The following NLGN1 variants were observed in gnomAD, a reference collection of about 807,000 sequenced individuals.
NLGN1 encodes the protein neuroligin-1.
A neutral mutation model predicts 65.5 loss-of-function variants in NLGN1; 12 were observed. The observed-to-expected ratio is 0.18, with a 90% CI of 0.12 to 0.30. The LOEUF (loss-of-function observed/expected upper bound fraction) is 0.30. Among genes scored for constraint, NLGN1 ranks in the 10% least tolerant of loss-of-function variants. NLGN1 has a pLI of 1.00. For synonymous variants in NLGN1, 350 were observed against 359.5 expected, an observed-to-expected ratio of 0.97 and a Z score of 0.30; for missense variants, 750 against 1,007.1, an observed-to-expected ratio of 0.74 and a Z score of 3.46.
intron 4 of NLGN1, among the ~76,000 whole-genome samples, chr3:174,139,281 C>T (rs1446712475): frequency 6.6e-6 from 1 of 152,126 alleles, no homozygotes; most frequent in African/African-American, 2.4e-5. Flanking sequence ...CTACCTTCCT[C>T]CTAATCCCTG....
At chr3:173,950,937 GCT>G (rs1748087905) in intron 4 of NLGN1, among the ~76,000 whole-genome samples, 1 of 152,046 alleles carries the variant, frequency 6.6e-6, no homozygotes, top group Admixed American at 6.5e-5. Flanking sequence ...CGTGATCTTG[GCT>G]CACTACAACC....
Position 173,859,646 on chromosome 3 carries a change from C to T in NLGN1, c.646+51814C>T, listed in dbSNP as rs112079324. Among the ~76,000 whole-genome samples the T allele has an allele frequency of 3.4e-3, 516 of 152,118 alleles. 2 individuals are homozygous for T. The highest frequency in any genetic ancestry group is 0.012 in the African/African-American group (492 of 41,512). On this transcript the variant is annotated intron_variant, in intron 4 of 6. Transcript: ENST00000457714. The stretch of plus-strand genomic sequence containing the variant: ...TCAGTTAATTAAAACAGTGTTTTCT[C>T]CTCACTGAAAAATTGAATTTTTCTT...
At chr3:174,292,312 A>G in the NLGN1 span, among the ~76,000 whole-genome samples, 1 of 151,292 alleles carries the variant, frequency 6.6e-6, no homozygotes, top group South Asian at 2.1e-4. Context: ...ACAAACACAC[A>G]TAGAAATAGA....
intron 4 of NLGN1, among the ~76,000 whole-genome samples, chr3:173,988,995 G>A (rs1051805527): frequency 6.6e-6 from 1 of 152,150 alleles, no homozygotes; most frequent in Non-Finnish European, 1.5e-5. Context: ...GATAAGGTAG[G>A]AGAGAACAGC....
chr3:174,255,646 T>C (rs1745599900), intron 4 of NLGN1, among the ~76,000 whole-genome samples: 1 of 147,928 alleles, frequency 6.8e-6, no homozygotes, highest in African/African-American at 2.5e-5. Context: ...TCTATTTATT[T>C]ATTTATTTAT....
intron 4 of NLGN1, among the ~76,000 whole-genome samples, chr3:174,242,263 G>A (rs944213407): frequency 6.6e-6 from 1 of 152,008 alleles, no homozygotes; most frequent in Non-Finnish European, 1.5e-5. Context: ...GCCATGGACC[G>A]TGCCAGTCCA....
intron 4 of NLGN1, among the ~76,000 whole-genome samples, chr3:174,270,890 A>C (rs1749271151): frequency 6.6e-6 from 1 of 151,844 alleles, no homozygotes; most frequent in Admixed American, 6.6e-5. Flanking sequence ...TTTAAGATGC[A>C]AAGTCCTTAA....
intron 2 of NLGN1, among the ~76,000 whole-genome samples, chr3:173,550,181 T>C (rs1300817295): frequency 6.6e-6 from 1 of 152,094 alleles, no homozygotes; most frequent in Non-Finnish European, 1.5e-5. Context: ...TAAAGACTTT[T>C]TTCAAGGGAC....
At chr3:173,606,347 G>A (rs1356088477) in intron 3 of NLGN1, among the ~76,000 whole-genome samples, 2 of 152,054 alleles carry the variant, frequency 1.3e-5, no homozygotes, top group African/African-American at 4.8e-5. Context: ...GCTTGCATCT[G>A]AATGTAGCTT....
intron 4 of NLGN1, among the ~76,000 whole-genome samples, chr3:174,266,064 A>ACTT (rs1423408842): frequency 1.4e-5 from 2 of 147,142 alleles, no homozygotes; most frequent in African/African-American, 5.0e-5. Flanking sequence ...TTTCTTTCCA[A>ACTT]CTTTTATTTT....
intron 3 of NLGN1, among the ~76,000 whole-genome samples, chr3:173,703,738 C>G (rs937640866): frequency 2.0e-4 from 30 of 152,264 alleles, no homozygotes; most frequent in South Asian, 6.2e-4. Context: ...TTTTAAGTAG[C>G]ACAAGGTCTT....
intron 3 of NLGN1, among the ~76,000 whole-genome samples, chr3:173,616,302 T>G (rs965348262): frequency 2.0e-5 from 3 of 152,096 alleles, no homozygotes; most frequent in Non-Finnish European, 4.4e-5. Flanking sequence ...AATCTCACTT[T>G]GCCAGGATTT....
chr3:173,498,788 A>G (rs1368828172), intron 2 of NLGN1, among the ~76,000 whole-genome samples: 1 of 151,658 alleles, frequency 6.6e-6, no homozygotes, highest in Non-Finnish European at 1.5e-5. Context: ...TTTGATTTTC[A>G]TTTCTCTGAT....
rs375757580 is a variant in NLGN1 at position 173,562,617 on chromosome 3, C to G, written c.-320-41662C>G. Among the ~76,000 whole-genome samples the G allele has an allele frequency of 1.1e-4, 17 of 151,808 alleles. 1 individual carries two copies. The highest frequency in any genetic ancestry group is 2.0e-4 in the Admixed American group (3 of 15,234). On this transcript the variant is annotated intron_variant, in intron 2 of 6. Coordinates refer to ENST00000457714, the Ensembl canonical transcript of NLGN1. ...AATTTATGTAAGACTTTGAAGTTTACAAAGTACGTTTATATGTCACCTTGC... is the reference window on the plus strand; with the variant it reads ...AATTTATGTAAGACTTTGAAGTTTAGAAAGTACGTTTATATGTCACCTTGC...
At chr3:174,018,833 A>G (rs1000691468) in intron 4 of NLGN1, among the ~76,000 whole-genome samples, 1 of 152,146 alleles carries the variant, frequency 6.6e-6, no homozygotes, top group Admixed American at 6.6e-5. Flanking sequence ...CATAATTTAG[A>G]TTACTATAAT....
chr3:174,175,150 C>A (rs1729214026), intron 4 of NLGN1, among the ~76,000 whole-genome samples: 1 of 151,830 alleles, frequency 6.6e-6, no homozygotes, highest in African/African-American at 2.4e-5. Flanking sequence ...CTATTAGGTT[C>A]ATATATTTTA....
At chr3:174,259,379 C>T (rs910993053) in intron 4 of NLGN1, among the ~76,000 whole-genome samples, 9 of 151,440 alleles carry the variant, frequency 5.9e-5, no homozygotes, top group African/African-American at 1.9e-4. Flanking sequence ...CTCTCTCTTG[C>T]TCTCTCTCTC....
At chr3:173,926,932 A>G (rs1158057407) in intron 4 of NLGN1, among the ~76,000 whole-genome samples, 5 of 152,314 alleles carry the variant, frequency 3.3e-5, no homozygotes, top group Non-Finnish European at 7.3e-5. Flanking sequence ...TGTAACTGGA[A>G]AGCCAATTGA....
chr3:174,222,485 T>A (rs1315823155), intron 4 of NLGN1, among the ~76,000 whole-genome samples: 1 of 152,210 alleles, frequency 6.6e-6, no homozygotes, highest in East Asian at 1.9e-4. Flanking sequence ...CACTTTATTT[T>A]ATATAGTAAA....
Sources: gnomAD v4.1 joint callset for allele counts (sites outside exome capture counted in the v4.1 genomes callset) on GRCh38, gnomAD v4.1.1 for gene constraint, MANE v1.5 for transcripts, NCBI Gene and HGNC (gene_info 2026-07-23, HGNC 2026-07-21) for gene names.